Variants in FHOD3 observed in about 807,000 individuals in gnomAD.
FHOD3 encodes formin homology 2 domain containing 3, also known as FH1/FH2 domain-containing protein 3.
FHOD3 carries 90 observed loss-of-function variants against 173.0 expected under a neutral mutation model. That is an observed-to-expected ratio of 0.52 (90% CI 0.44 to 0.62). FHOD3 has a LOEUF of 0.62. Among genes scored for constraint, FHOD3 ranks in the 20% least tolerant of loss-of-function variants. The pLI, the probability that FHOD3 is intolerant of heterozygous loss-of-function variation, is 0.00. For missense variants in FHOD3, 1,945 were observed against 2,034.7 expected (o/e 0.96, Z 0.85); for synonymous variants, 828 against 823.0 (o/e 1.01, Z -0.10).
At chr18:36,317,672 A>T (rs1036212488) in intron 1 of FHOD3, among the ~76,000 whole-genome samples, 2 of 152,172 alleles carry the variant, frequency 1.3e-5, no homozygotes, top group East Asian at 3.8e-4. Flanking sequence ...CCCATTCTGT[A>T]GGTTGCCTGT....
At position 36,338,681 on chromosome 18, in the gene FHOD3, G is replaced by A. The variant is rs376578250; in HGVS notation, c.166-16858G>A. On this transcript the variant is annotated intron_variant, in intron 1 of 28. Coordinates refer to ENST00000590592, the MANE Select transcript of FHOD3 (RefSeq NM_001281740.3). ...AGTTCTGGGTTTTCCTGGCCAGCAGGCAGCTCACCCTCTAGTATTCTTAAA... is the reference window on the plus strand; with the variant it reads ...AGTTCTGGGTTTTCCTGGCCAGCAGACAGCTCACCCTCTAGTATTCTTAAA... Among the ~76,000 whole-genome samples the A allele has an allele frequency of 1.8e-4, 28 of 152,288 alleles. 1 individual carries two copies. Among genetic ancestry groups the A allele is most frequent in the East Asian group, 7.7e-4 (4 of 5,178 alleles).
chr18:36,540,975 G>T (rs1451126320), intron 5 of FHOD3, among the ~76,000 whole-genome samples: 1 of 152,208 alleles, frequency 6.6e-6, no homozygotes, highest in Non-Finnish European at 1.5e-5. Context: ...GTTGGGCTGG[G>T]CGTGGTGGCT....
intron 10 of FHOD3, 43 bp from the exon 11 acceptor site, chr18:36,649,273 C>T (rs1462967066): frequency 3.4e-6 from 5 of 1,449,754 alleles, no homozygotes; most frequent in Non-Finnish European, 3.7e-6. Context: ...CTCACTTTTC[C>T]ATGTTGTCTG....
At chr18:36,337,857 C>G (rs2045403876) in intron 1 of FHOD3, among the ~76,000 whole-genome samples, 2 of 152,154 alleles carry the variant, frequency 1.3e-5, no homozygotes, top group East Asian at 3.9e-4. Flanking sequence ...AGGCATCTCA[C>G]AGTGGGGCTT....
At chr18:36,479,231 T>C (rs906615291) in intron 3 of FHOD3, among the ~76,000 whole-genome samples, 2 of 152,224 alleles carry the variant, frequency 1.3e-5, no homozygotes, top group Non-Finnish European at 2.9e-5. Context: ...GCCTTAAATG[T>C]GAAAAAATTT....
chr18:36,718,363 C>CGGG lies in FHOD3; in HGVS notation c.3065_3066insGGG (p.Pro1022_Pro1023insGly). 6.3e-7 allele frequency: 1 copy of CGGG among 1,589,850 alleles called. No individual in the cohort carries two copies. The highest frequency in any genetic ancestry group is 8.6e-7 in the Non-Finnish European group (1 of 1,166,648). ...GGTCACAGGGAGGCCCCTGGGCCAC[C>CGGG]TCCCCCACCCCCACCCACCTTTCTG... On this transcript the variant is annotated inframe_insertion, in exon 19 of 29. Coordinates refer to ENST00000590592, the MANE Select transcript of FHOD3 (RefSeq NM_001281740.3).
chr18:36,534,360 G>A (rs1042807950), intron 5 of FHOD3, among the ~76,000 whole-genome samples: 12 of 152,216 alleles, frequency 7.9e-5, no homozygotes, highest in African/African-American at 2.7e-4. Flanking sequence ...GACAGGGTGA[G>A]TCTGAGAGGA....
chr18:36,730,367 T>C (rs999157223), intron 19 of FHOD3, among the ~76,000 whole-genome samples: 1 of 152,216 alleles, frequency 6.6e-6, no homozygotes, highest in African/African-American at 2.4e-5. Flanking sequence ...AAACAGATTT[T>C]TTTTTCTTGC....
At chr18:36,755,376 TC>T in intron 25 of FHOD3, 65 bp downstream of exon 25, 1 of 535,092 alleles carries the variant, frequency 1.9e-6, no homozygotes, top group Non-Finnish European at 2.8e-6. Flanking sequence ...TCAGGAATCC[TC>T]CCCACAGTTA....
chr18:36,714,509 T>C (rs1261332330), intron 18 of FHOD3, among the ~76,000 whole-genome samples: 1 of 152,158 alleles, frequency 6.6e-6, no homozygotes, highest in Non-Finnish European at 1.5e-5. Flanking sequence ...TGCACTCCAG[T>C]CTGGGCGACA....
chr18:36,649,305 C>T lies in FHOD3; in HGVS notation c.1197-11C>T, dbSNP rs756876512. ...TCTGTGTGCATTTCTCTTTTCCTGG[C>T]TTTGTCTCAGGGAGGAGGAGGAGGA... On this transcript the variant is annotated splice_polypyrimidine_tract_variant and intron_variant, in intron 10 of 28. Transcript: ENST00000590592. 5.2e-6 allele frequency: 8 copies of T among 1,534,492 alleles called. No homozygotes were observed. The highest frequency in any genetic ancestry group is 1.7e-4 in the Middle Eastern group (1 of 5,960).
intron 5 of FHOD3, among the ~76,000 whole-genome samples, chr18:36,559,389 T>A (rs2058011120): frequency 6.6e-6 from 1 of 152,174 alleles, no homozygotes; most frequent in Non-Finnish European, 1.5e-5. Context: ...TCAGTCCTCC[T>A]CCACTCAGAA....
chr18:36,503,259 G>A (rs1373020980), intron 4 of FHOD3, among the ~76,000 whole-genome samples: 16 of 152,150 alleles, frequency 1.1e-4, no homozygotes, highest in Admixed American at 8.5e-4. Context: ...TTGAGCTTGC[G>A]TCTGTCTAGG....
At chr18:36,539,068 C>T (rs368183816) in intron 5 of FHOD3, among the ~76,000 whole-genome samples, 23 of 152,302 alleles carry the variant, frequency 1.5e-4, no homozygotes, top group South Asian at 1.0e-3. Flanking sequence ...AAAATCAGTA[C>T]GCATCTTATG....
chr18:36,718,808 C>G, intron 19 of FHOD3, 93 bp downstream of exon 19: 1 of 1,508,418 alleles, frequency 6.6e-7, no homozygotes, highest in Non-Finnish European at 8.8e-7. Flanking sequence ...ATTGCTTTTG[C>G]TATTTGGTAA....
chr18:36,342,082 A>G (rs1284854583), intron 1 of FHOD3, among the ~76,000 whole-genome samples: 1 of 152,246 alleles, frequency 6.6e-6, no homozygotes, highest in East Asian at 1.9e-4. Flanking sequence ...AAATACAAAA[A>G]AAGTATGGAG....
chr18:36,612,950 A>G (rs2032840076), intron 9 of FHOD3, among the ~76,000 whole-genome samples: 1 of 152,230 alleles, frequency 6.6e-6, no homozygotes, highest in Admixed American at 6.5e-5. Flanking sequence ...AAAAGGATCT[A>G]GGAGCTGCCC....
intron 17 of FHOD3, among the ~76,000 whole-genome samples, chr18:36,705,074 A>G (rs1177022633): frequency 6.6e-6 from 1 of 152,202 alleles, no homozygotes; most frequent in East Asian, 1.9e-4. Flanking sequence ...GGCACACCCA[A>G]GCTGTTCCCA....
intron 3 of FHOD3, among the ~76,000 whole-genome samples, chr18:36,468,900 C>T (rs914863524): frequency 2.6e-5 from 4 of 152,102 alleles, no homozygotes; most frequent in South Asian, 2.1e-4. Context: ...ACCTTTGAGG[C>T]GGCAGGTCTG....
Sources: allele counts gnomAD v4.1 joint callset (sites outside exome capture counted in the v4.1 genomes callset), GRCh38; gene constraint gnomAD v4.1.1; transcripts MANE v1.5; gene names NCBI Gene and HGNC (gene_info 2026-07-23, HGNC 2026-07-21).